ZFPM2: variants seen among roughly 807,000 people sequenced by gnomAD.
ZFPM2 encodes zinc finger protein, FOG family member 2.
ZFPM2 carries 20 observed loss-of-function variants against 98.6 expected under a neutral mutation model. The observed-to-expected ratio is 0.20, with a 90% confidence interval of 0.14 to 0.29. The LOEUF (loss-of-function observed/expected upper bound fraction) is 0.29. Among genes scored for constraint, ZFPM2 ranks in the 10% least tolerant of loss-of-function variants. The pLI is 1.00. For missense variants in ZFPM2, 1,310 were observed against 1,388.6 expected, an observed-to-expected ratio of 0.94 and a Z score of 0.90; for synonymous variants, 518 against 502.7, an observed-to-expected ratio of 1.03 and a Z score of -0.41.
At chr8:105,490,363 G>A (rs1813334223) in intron 3 of ZFPM2, among the ~76,000 whole-genome samples, 1 of 151,940 alleles carries the variant, frequency 6.6e-6, no homozygotes, top group Non-Finnish European at 1.5e-5. Context: ...CTACTTTCTG[G>A]TAAAAGCTTT....
intron 1 of ZFPM2, among the ~76,000 whole-genome samples, chr8:105,403,913 T>C (rs144430482): frequency 1.6e-3 from 243 of 152,064 alleles, no homozygotes; most frequent in African/African-American, 5.4e-3. Flanking sequence ...ATGATCTCCC[T>C]GGCATTGCAA....
At chr8:105,660,947 A>G (rs1817376489) in intron 5 of ZFPM2, among the ~76,000 whole-genome samples, 1 of 152,170 alleles carries the variant, frequency 6.6e-6, no homozygotes, top group Admixed American at 6.5e-5. Flanking sequence ...TATATACCCT[A>G]GTGGTCTAAA....
chr8:105,412,187 A>G (rs754082708), intron 1 of ZFPM2, among the ~76,000 whole-genome samples: 44 of 151,994 alleles, frequency 2.9e-4, no homozygotes, highest in South Asian at 2.1e-4. Flanking sequence ...CTCCCTAAAG[A>G]AACAATTTGA....
intron 3 of ZFPM2, among the ~76,000 whole-genome samples, chr8:105,466,942 T>A (rs1391045520): frequency 6.6e-6 from 1 of 152,096 alleles, no homozygotes; most frequent in African/African-American, 2.4e-5. Flanking sequence ...AACATTTGAT[T>A]ACTTATGAGC....
intron 3 of ZFPM2, among the ~76,000 whole-genome samples, chr8:105,466,775 A>T (rs1367426187): frequency 2.9e-5 from 4 of 138,542 alleles, no homozygotes; most frequent in Non-Finnish European, 5.0e-5. Context: ...ATTGCCTTAC[A>T]TTTTTTTTTT....
chr8:105,685,213 G>A (rs1459986698), intron 5 of ZFPM2, among the ~76,000 whole-genome samples: 1 of 152,054 alleles, frequency 6.6e-6, no homozygotes, highest in Non-Finnish European at 1.5e-5. Flanking sequence ...CATTTGACAT[G>A]TGGTCAATCA....
At position 105,656,048 on chromosome 8, in the gene ZFPM2, C is replaced by G. The variant is rs79374015; in HGVS notation, c.532+21691C>G. Among the ~76,000 whole-genome samples the G allele has an allele frequency of 2.9e-3, 434 of 152,022 alleles. 3 individuals are homozygous for G. The highest frequency in any genetic ancestry group is 0.027 in the Middle Eastern group (8 of 294). On this transcript the variant is annotated intron_variant, in intron 5 of 7. Transcript: ENST00000407775. ...TGGCAATTTCTAGACACTGGAGTGA[C>G]CAAAACAAACAATAATTCCTATACT... is the stretch of plus-strand genomic sequence containing the variant.
chr8:105,365,882 C>G (rs2129784599), intron 1 of ZFPM2, among the ~76,000 whole-genome samples: 1 of 152,200 alleles, frequency 6.6e-6, no homozygotes, highest in African/African-American at 2.4e-5. Flanking sequence ...TATTTAATTC[C>G]TCCCTTCATT....
intron 5 of ZFPM2, among the ~76,000 whole-genome samples, chr8:105,769,574 TCATTTTCTTTATGTCAGAG>T (rs1812937835): frequency 6.6e-6 from 1 of 152,038 alleles, no homozygotes; most frequent in Admixed American, 6.6e-5. Flanking sequence ...CACTTTACTA[TCATTTTCTTTATGTCAGAG>T]CTTAGTTGGT....
At chr8:105,600,406 T>TA (rs1445820800) in intron 4 of ZFPM2, among the ~76,000 whole-genome samples, 1 of 152,062 alleles carries the variant, frequency 6.6e-6, no homozygotes, top group Non-Finnish European at 1.5e-5. Context: ...TGCATATGTA[T>TA]AAAAAAATAC....
At chr8:105,635,438 G>A (rs1816827665) in intron 5 of ZFPM2, among the ~76,000 whole-genome samples, 2 of 150,934 alleles carry the variant, frequency 1.3e-5, no homozygotes, top group South Asian at 4.2e-4. Flanking sequence ...TGAAACACCA[G>A]AAAGAGGGAA....
At chr8:105,575,794 C>T (rs1161909639) in intron 4 of ZFPM2, among the ~76,000 whole-genome samples, 2 of 152,106 alleles carry the variant, frequency 1.3e-5, no homozygotes, top group East Asian at 3.9e-4. Context: ...GTGGCCTGTA[C>T]ATTTTATATA....
At chr8:105,589,985 G>C (rs1289985378) in intron 4 of ZFPM2, among the ~76,000 whole-genome samples, 1 of 152,188 alleles carries the variant, frequency 6.6e-6, no homozygotes, top group Non-Finnish European at 1.5e-5. Flanking sequence ...CCCCCAGAGT[G>C]CTGGGATTAC....
At chr8:105,583,655 G>A (rs1475637482) in intron 4 of ZFPM2, among the ~76,000 whole-genome samples, 1 of 152,066 alleles carries the variant, frequency 6.6e-6, no homozygotes, top group African/African-American at 2.4e-5. Context: ...CAAACAAAGG[G>A]GGCTAGAGGT....
At chr8:105,384,092 A>T (rs1810938805) in intron 1 of ZFPM2, among the ~76,000 whole-genome samples, 1 of 152,166 alleles carries the variant, frequency 6.6e-6, no homozygotes, top group African/African-American at 2.4e-5. Flanking sequence ...GACCAGTGTT[A>T]GCTCACTCAC....
intron 4 of ZFPM2, among the ~76,000 whole-genome samples, chr8:105,586,391 C>T (rs1014092305): frequency 6.6e-6 from 1 of 150,772 alleles, no homozygotes; most frequent in Non-Finnish European, 1.5e-5. Flanking sequence ...TACACGCAAC[C>T]GAGTTGTGCT....
intron 2 of ZFPM2, among the ~76,000 whole-genome samples, chr8:105,426,379 TC>T (rs1811911840): frequency 6.6e-6 from 1 of 152,154 alleles, no homozygotes; most frequent in African/African-American, 2.4e-5. Context: ...CTCCTTGTTT[TC>T]TCTGGATTTG....
chr8:105,407,401 G>A (rs555893844), intron 1 of ZFPM2, among the ~76,000 whole-genome samples: 1 of 151,788 alleles, frequency 6.6e-6, no homozygotes, highest in Non-Finnish European at 1.5e-5. Context: ...GCAAACTAAA[G>A]AAAAGCATTA....
chr8:105,405,530 T>C (rs1290065658), intron 1 of ZFPM2, among the ~76,000 whole-genome samples: 1 of 150,674 alleles, frequency 6.6e-6, no homozygotes, highest in Non-Finnish European at 1.5e-5. Context: ...ACATGCAGTC[T>C]TTGGTTTTTT....
Sources: allele counts gnomAD v4.1 joint callset (sites outside exome capture counted in the v4.1 genomes callset), GRCh38; gene constraint gnomAD v4.1.1; transcripts MANE v1.5; gene names NCBI Gene and HGNC (gene_info 2026-07-23, HGNC 2026-07-21).